The following SPANXN4 variants were observed in gnomAD, a reference collection of about 807,000 sequenced individuals.
The protein encoded by SPANXN4 is sperm protein associated with the nucleus on the X chromosome N4.
In SPANXN4, 5 loss-of-function variants were observed where a neutral mutation model predicts 6.0. That is an observed-to-expected ratio of 0.83 (90% confidence interval 0.44 to 1.75). SPANXN4 has a LOEUF of 1.75. Ranked by LOEUF, SPANXN4 falls within the 40% of genes most tolerant of loss-of-function variation. SPANXN4 has a pLI of 0.02. For synonymous variants in SPANXN4, 45 were observed against 38.0 expected (o/e 1.19, Z -0.68); for missense variants, 157 against 108.6 (o/e 1.45, Z -1.98).
intron 1 of SPANXN4, among the ~76,000 whole-genome samples, chrX:143,029,902 T>C (rs1188398087): frequency 4.5e-5 from 5 of 111,124 alleles, no homozygotes; most frequent in African/African-American, 1.6e-4. Context: ...AGTCCAGTTG[T>C]TTTGAGAGGT....
Position 143,030,408 on chromosome X carries a change from T to C in SPANXN4, c.79-3620T>C, listed in dbSNP as rs112185938. Among the ~76,000 whole-genome samples the C allele has an allele frequency of 3.8e-3, 416 of 110,440 alleles. 2 individuals are homozygous for C. The highest frequency in any genetic ancestry group is 0.013 in the African/African-American group (396 of 30,294). ...AGTGATGTGTTGGACTGACAGGTTA[T>C]GGGAGGGACTACAGAGAAGGAGGTC... is the stretch of plus-strand genomic sequence containing the variant. On this transcript the variant is annotated intron_variant, in intron 1 of 2. Coordinates refer to ENST00000370504, the Ensembl canonical transcript of SPANXN4.
chrX:143,034,478 C>T, intron 2 of SPANXN4, 167 bp downstream of exon 2: 1 of 1,120,122 alleles, frequency 8.9e-7, no homozygotes, highest in East Asian at 3.3e-5. Flanking sequence ...TTCCTGGAGA[C>T]AAATTTTCTT....
chrX:143,025,929 A>C (rs1179344104), upstream of SPANXN4: 6 of 946,975 alleles, frequency 6.3e-6, no homozygotes, highest in African/African-American at 9.9e-5. Flanking sequence ...AAGCTCTGGG[A>C]CAGCCCACTG....
chrX:143,034,821 G>GACTGCTCCACCTA, downstream of SPANXN4: 1 of 940,202 alleles, frequency 1.1e-6, no homozygotes. Context: ...AACTCTAGGT[G>GACTGCTCCACCTA]GAGCAGTCAC....
chrX:143,033,434 A>G (rs1408578421), intron 1 of SPANXN4, among the ~76,000 whole-genome samples: 4 of 111,294 alleles, frequency 3.6e-5, no homozygotes. Flanking sequence ...AGACACACAA[A>G]GAGGGGACCA....
intron 2 of SPANXN4, chrX:143,034,263 C>T: frequency 8.8e-7 from 1 of 1,133,058 alleles, no homozygotes; most frequent in African/African-American, 1.8e-5. Context: ...TTGGACAAAT[C>T]ATCACCACTG....
chrX:143,032,155 G>A (rs1249914609), intron 1 of SPANXN4, among the ~76,000 whole-genome samples: 10 of 111,807 alleles, frequency 8.9e-5, no homozygotes, highest in African/African-American at 2.3e-4. Flanking sequence ...AGGTAAGGTC[G>A]TAAGATTGAG....
chrX:143,026,132 G>C (rs1932776731), intron 1 of SPANXN4, 40 bp downstream of exon 1: 1 of 1,138,807 alleles, frequency 8.8e-7, no homozygotes, highest in Non-Finnish European at 1.2e-6. Flanking sequence ...GAGGGTGAAA[G>C]AAAGACACAC....
chrX:143,026,760 G>T (rs934695428), intron 1 of SPANXN4, among the ~76,000 whole-genome samples: 2 of 110,766 alleles, frequency 1.8e-5, no homozygotes, highest in Non-Finnish European at 3.8e-5. Context: ...CTGGACAGGG[G>T]AGTTTAGCTT....
intron 2 of SPANXN4, chrX:143,034,285 T>C: frequency 8.9e-7 from 1 of 1,117,635 alleles, no homozygotes; most frequent in South Asian, 2.1e-5. Flanking sequence ...TGGCGATGAT[T>C]ACAATAAAAT....
Position 143,034,017 on chromosome X carries a change from T to A in SPANXN4, c.79-11T>A. The A allele has an allele frequency of 8.6e-7, 1 of 1,163,666 alleles. No homozygotes were observed. Among genetic ancestry groups the A allele is most frequent in the Non-Finnish European group, 1.1e-6 (1 of 871,860 alleles). On this transcript the variant is annotated splice_polypyrimidine_tract_variant and intron_variant, in intron 1 of 2. Coordinates refer to ENST00000370504, the Ensembl canonical transcript of SPANXN4. Reference sequence around the variant, plus strand: ...CACCATTCTGGCCTCTCCCTGTTTTTTTACCAGAAGAAGAAGAATCTGCAC... The same window carrying A: ...CACCATTCTGGCCTCTCCCTGTTTTATTACCAGAAGAAGAAGAATCTGCAC...
chrX:143,032,396 G>A (rs958858687), intron 1 of SPANXN4, among the ~76,000 whole-genome samples: 7 of 110,286 alleles, frequency 6.3e-5, no homozygotes, highest in Non-Finnish European at 9.5e-5. Flanking sequence ...AGAACGAAGA[G>A]GGGATGGAGG....
chrX:143,035,642 G>T (rs1212049800), downstream of SPANXN4, among the ~76,000 whole-genome samples: 1 of 109,788 alleles, frequency 9.1e-6, no homozygotes, highest in African/African-American at 3.3e-5. Flanking sequence ...GAAGTGTGAT[G>T]GATTTTTAAT....
At chrX:143,034,258 C>T in intron 2 of SPANXN4, 2 of 1,143,663 alleles carry the variant, frequency 1.7e-6, no homozygotes, top group Non-Finnish European at 2.3e-6. Flanking sequence ...CCAAATTGGA[C>T]AAATCATCAC....
intron 1 of SPANXN4, among the ~76,000 whole-genome samples, chrX:143,033,414 C>G (rs1932822709): frequency 9.0e-6 from 1 of 110,968 alleles, no homozygotes; most frequent in African/African-American, 3.3e-5. Flanking sequence ...GAAGGGAAGG[C>G]AAGGGTTAAA....
In SPANXN4 at chrX:143,034,007, T is replaced by C; in HGVS notation, c.79-21T>C. The C allele has an allele frequency of 8.7e-7, 1 of 1,153,903 alleles. No individual in the cohort carries two copies. The highest frequency in any genetic ancestry group is 1.2e-6 in the Non-Finnish European group (1 of 864,000). ...TCCAAAATAACACCATTCTGGCCTC[T>C]CCCTGTTTTTTTACCAGAAGAAGAA... is the stretch of plus-strand genomic sequence containing the variant. On this transcript the variant is annotated intron_variant, in intron 1 of 2. Coordinates refer to ENST00000370504, the Ensembl canonical transcript of SPANXN4.
At chrX:143,032,482 AG>A (rs1317611711) in intron 1 of SPANXN4, among the ~76,000 whole-genome samples, 1 of 109,981 alleles carries the variant, frequency 9.1e-6, no homozygotes, top group African/African-American at 3.3e-5. Context: ...GGACTGAGAT[AG>A]GGGTTTTTTT....
At chrX:143,029,817 G>A (rs1248528851) in intron 1 of SPANXN4, among the ~76,000 whole-genome samples, 1 of 111,110 alleles carries the variant, frequency 9.0e-6, no homozygotes, top group African/African-American at 3.3e-5. Context: ...TAAAGAGGGA[G>A]TTTCTGTACC....
At chrX:143,034,469 T>C in intron 2 of SPANXN4, 158 bp downstream of exon 2, 3 of 1,119,695 alleles carry the variant, frequency 2.7e-6, no homozygotes, top group Non-Finnish European at 3.5e-6. Flanking sequence ...GAGGACTGAT[T>C]CCTGGAGACA....
Sources: gnomAD v4.1 joint callset for allele counts (sites outside exome capture counted in the v4.1 genomes callset) on GRCh38, gnomAD v4.1.1 for gene constraint, MANE v1.5 for transcripts, NCBI Gene and HGNC (gene_info 2026-07-23, HGNC 2026-07-21) for gene names.